RSPO4: variants seen among roughly 807,000 people sequenced by gnomAD.
RSPO4 encodes R-spondin-4.
Under a neutral mutation model 24.8 loss-of-function variants are expected in RSPO4, and 23 were observed. The ratio of observed to expected loss-of-function variants is 0.93; its 90% CI spans 0.67 to 1.31. RSPO4 has a LOEUF of 1.31. RSPO4 is among the 40% of genes most tolerant of loss of function. The pLI is 0.00. For missense variants in RSPO4, 333 were observed against 316.5 expected (o/e 1.05, Z -0.39); for synonymous variants, 141 against 127.4 (o/e 1.11, Z -0.72).
chr20:967,328 A>C lies in RSPO4; in HGVS notation c.269-14T>G. On this transcript the variant is annotated splice_polypyrimidine_tract_variant and intron_variant, in intron 2 of 4. Coordinates refer to ENST00000217260, the MANE Select transcript of RSPO4 (RefSeq NM_001029871.4). ...TGGCCCCACATTCTGTAATAGAGCC[A>C]GGGACACCCCAGGTGAGGGAGACTG... 6.2e-7 allele frequency: 1 copy of C among 1,613,896 alleles called. No homozygotes were observed. The highest frequency in any genetic ancestry group is 8.5e-7 in the Non-Finnish European group (1 of 1,180,008).
rs558045620 is a variant in RSPO4, at chr20:972,964, C to T, written c.80-4826G>A. Among the ~76,000 whole-genome samples the T allele has an allele frequency of 7.2e-5, 11 of 152,356 alleles. 1 individual carries two copies. The highest frequency in any genetic ancestry group is 2.1e-4 in the South Asian group (1 of 4,832). ...AAACAAAGTAGCATTTCCTGAAAAA[C>T]GAATCTGTGGACACAGACTCACACC... On this transcript the variant is annotated intron_variant, in intron 1 of 4. Transcript: ENST00000217260.
intron 1 of RSPO4, among the ~76,000 whole-genome samples, chr20:999,766 G>A (rs1038882430): frequency 6.6e-5 from 10 of 152,090 alleles, no homozygotes; most frequent in Admixed American, 2.6e-4. Context: ...TAGATGGGGC[G>A]GGGGGCAAAA....
At chr20:997,457 T>C (rs1158855271) in intron 1 of RSPO4, among the ~76,000 whole-genome samples, 1 of 152,240 alleles carries the variant, frequency 6.6e-6, no homozygotes, top group African/African-American at 2.4e-5. Flanking sequence ...GCCCCTATGC[T>C]ATGAAGAAAC....
intron 1 of RSPO4, among the ~76,000 whole-genome samples, chr20:1,000,782 C>A (rs538587460): frequency 8.7e-4 from 133 of 152,306 alleles, no homozygotes; most frequent in African/African-American, 3.0e-3. Flanking sequence ...AAACTCACCC[C>A]AGCTCAGCTG....
intron 1 of RSPO4, among the ~76,000 whole-genome samples, chr20:995,168 A>G (rs1011853251): frequency 6.6e-6 from 1 of 151,978 alleles, no homozygotes; most frequent in African/African-American, 2.4e-5. Context: ...TTATTCTAGA[A>G]CCCTTCTCCA....
chr20:964,146 A>T (rs1262410218), intron 3 of RSPO4, 26 bp from the exon 4 acceptor site: 1 of 1,585,182 alleles, frequency 6.3e-7, no homozygotes, highest in Non-Finnish European at 8.6e-7. Flanking sequence ...AGAGACAGAC[A>T]GACAGACAGA....
At position 970,770 on chromosome 20, in the gene RSPO4, T is replaced by A. The variant is rs1984380944; in HGVS notation, c.80-2632A>T. ...TTTCACCTTAGATAGGAGTGTAAAC[T>A]TCGGGGAAAAATCTAGCAGTACCTA... is the stretch of plus-strand genomic sequence containing the variant. On this transcript the variant is annotated intron_variant, in intron 1 of 4. Coordinates refer to ENST00000217260, the MANE Select transcript of RSPO4 (RefSeq NM_001029871.4). The surrounding 1 kb of genome is among the most constrained non-coding windows in gnomAD (Gnocchi z 4.1). 1.3e-5 allele frequency among the ~76,000 whole-genome samples: 2 copies of A among 152,196 alleles called. No individual in the cohort carries two copies. Among genetic ancestry groups the A allele is most frequent in the Non-Finnish European group, 2.9e-5 (2 of 68,032 alleles).
At chr20:966,632 G>T (rs557185766) in intron 3 of RSPO4, among the ~76,000 whole-genome samples, 1 of 152,276 alleles carries the variant, frequency 6.6e-6, no homozygotes, top group Admixed American at 6.5e-5. Flanking sequence ...GGAGGCTGAG[G>T]TGGGAAGACC....
At chr20:998,211 T>C (rs77046219) in intron 1 of RSPO4, among the ~76,000 whole-genome samples, 4,032 of 152,186 alleles carry the variant, frequency 0.026, 219 homozygotes, top group East Asian at 0.22. Context: ...TCCATGTGAA[T>C]GTGGGGGTCC....
intron 3 of RSPO4, among the ~76,000 whole-genome samples, chr20:966,457 T>C (rs1984199770): frequency 6.6e-6 from 1 of 152,142 alleles, no homozygotes; most frequent in Admixed American, 6.5e-5. Flanking sequence ...TTGTCTTTTT[T>C]TTTTTCTAAC....
chr20:964,858 T>C (rs1347256759), intron 3 of RSPO4, among the ~76,000 whole-genome samples: 1 of 150,100 alleles, frequency 6.7e-6, no homozygotes, highest in Non-Finnish European at 1.5e-5. Flanking sequence ...ACTTTGATTA[T>C]TTTAAAAGTC....
intron 4 of RSPO4, among the ~76,000 whole-genome samples, chr20:962,485 C>G (rs1004899499): frequency 5.9e-5 from 9 of 152,182 alleles, no homozygotes; most frequent in Non-Finnish European, 1.2e-4. Flanking sequence ...CCATTCACCC[C>G]CAGCTCTTGG....
At chr20:974,843 G>A (rs543224488) in intron 1 of RSPO4, among the ~76,000 whole-genome samples, 8 of 152,268 alleles carry the variant, frequency 5.3e-5, no homozygotes, top group African/African-American at 1.9e-4. Context: ...CCACCCTGGG[G>A]ATCCATAAAT....
Position 968,058 on chromosome 20 carries a change from G to A in RSPO4, c.160C>T (p.Leu54Phe). ...ENGCSTCQQR[L>F]FLFIRREGIR... ...CCTTCCCGGCGGATGAACAGGAAGA[G>A]CCTCTGCTGGCAGGTGGAACAGCCG... The change falls in exon 2 of 5, where the codon CTC becomes TTC. Residue 54 changes from leucine (L) to phenylalanine (F), a missense_variant. Physicochemically the swap from Leu to Phe is conservative, Grantham distance 22. Transcript: ENST00000217260. 6.2e-7 allele frequency: 1 copy of A among 1,614,228 alleles called. No homozygotes were observed. Among genetic ancestry groups the A allele is most frequent in the Non-Finnish European group, 8.5e-7 (1 of 1,180,042 alleles).
chr20:982,186 C>T, intron 1 of RSPO4, among the ~76,000 whole-genome samples: 1 of 152,194 alleles, frequency 6.6e-6, no homozygotes, highest in East Asian at 1.9e-4. Context: ...GCTGGCTTCT[C>T]CAGACCCACC....
chr20:994,273 G>A (rs1985203075), intron 1 of RSPO4, among the ~76,000 whole-genome samples: 1 of 152,162 alleles, frequency 6.6e-6, no homozygotes, highest in Non-Finnish European at 1.5e-5. Context: ...AGAGATGTAG[G>A]TGAGGAGTGT....
At chr20:997,124 A>G (rs985893191) in intron 1 of RSPO4, among the ~76,000 whole-genome samples, 3 of 152,354 alleles carry the variant, frequency 2.0e-5, no homozygotes, top group East Asian at 3.9e-4. Flanking sequence ...GGAAATAGGC[A>G]TAACACAAGG....
At chr20:979,825 C>T (rs917739968) in intron 1 of RSPO4, among the ~76,000 whole-genome samples, 7 of 152,172 alleles carry the variant, frequency 4.6e-5, no homozygotes, top group African/African-American at 1.4e-4. Context: ...GTGATGCCCC[C>T]AGACCTCTTG....
intron 3 of RSPO4, 40 bp downstream of exon 3, chr20:967,133 GA>G (rs1984229412): frequency 6.3e-7 from 1 of 1,599,074 alleles, no homozygotes; most frequent in East Asian, 2.2e-5. Flanking sequence ...GCTCCAGGGA[GA>G]GGGGAGGGGC....
Sources: gnomAD v4.1 joint callset for allele counts (sites outside exome capture counted in the v4.1 genomes callset) on GRCh38, gnomAD v4.1.1 for gene constraint, Gnocchi (gnomAD v3.1) non-coding constraint, MANE v1.5 for transcripts, NCBI Gene and HGNC (gene_info 2026-07-23, HGNC 2026-07-21) for gene names.